KAZN: variants seen among roughly 807,000 people sequenced by gnomAD.
The protein encoded by KAZN is kazrin, periplakin interacting protein.
In KAZN, 40 loss-of-function variants were observed where a neutral mutation model predicts 87.4. The observed-to-expected ratio is 0.46, with a 90% CI of 0.36 to 0.60. The LOEUF (loss-of-function observed/expected upper bound fraction) is 0.60, where lower values mean the gene tolerates loss of function less well. KAZN is among the 20% of genes least tolerant of loss of function. KAZN has a pLI of 0.00. For missense variants in KAZN, 898 were observed against 1,073.9 expected (o/e 0.84, Z 2.29); for synonymous variants, 466 against 458.3 (o/e 1.02, Z -0.22).
chr1:14,796,671 T>C (rs561761307), intron 1 of KAZN, among the ~76,000 whole-genome samples: 1 of 152,372 alleles, frequency 6.6e-6, no homozygotes, highest in African/African-American at 2.4e-5. Context: ...TTTGTAAGCA[T>C]GGCACCAGGG....
chr1:14,367,705 C>T (rs1447499977), intron 2 of KAZN, among the ~76,000 whole-genome samples: 1 of 152,136 alleles, frequency 6.6e-6, no homozygotes, highest in Admixed American at 6.5e-5. Context: ...CAATCAAAAG[C>T]TGAGCCCTAG....
intron 1 of KAZN, among the ~76,000 whole-genome samples, chr1:14,029,832 A>G (rs1031057537): frequency 2.0e-5 from 3 of 152,042 alleles, no homozygotes; most frequent in South Asian, 2.1e-4. Flanking sequence ...GCATTGATCT[A>G]TATCTCTGTT....
chr1:14,948,884 T>C (rs1456640018), intron 1 of KAZN, among the ~76,000 whole-genome samples: 28 of 152,100 alleles, frequency 1.8e-4, no homozygotes, highest in Admixed American at 1.8e-3. Context: ...AGGCCAGTCA[T>C]GGTGGCTCAT....
chr1:14,787,353 C>G (rs1226408709), intron 1 of KAZN, among the ~76,000 whole-genome samples: 1 of 152,164 alleles, frequency 6.6e-6, no homozygotes, highest in African/African-American at 2.4e-5. Flanking sequence ...GGTTGGATAA[C>G]TGGCTCAAAG....
At chr1:13,957,966 G>A (rs1023068552) in intron 1 of KAZN, among the ~76,000 whole-genome samples, 5 of 152,148 alleles carry the variant, frequency 3.3e-5, no homozygotes, top group African/African-American at 9.7e-5. Context: ...AACAGGAAAC[G>A]GAACAGGGAC....
intron 1 of KAZN, among the ~76,000 whole-genome samples, chr1:14,117,339 G>A (rs1644646549): frequency 6.6e-6 from 1 of 152,154 alleles, no homozygotes; most frequent in Non-Finnish European, 1.5e-5. Flanking sequence ...TAGTGAATAA[G>A]TCTCATGGGA....
chr1:15,059,341 T>A (rs1482255534), intron 5 of KAZN, among the ~76,000 whole-genome samples: 1 of 152,152 alleles, frequency 6.6e-6, no homozygotes, highest in African/African-American at 2.4e-5. Context: ...ACAGTGCCCC[T>A]GATGGGCAAC....
At chr1:13,952,659 C>CT (rs56356436) in intron 1 of KAZN, among the ~76,000 whole-genome samples, 126,711 of 151,966 alleles carry the variant, frequency 0.83, 52,847 homozygotes, top group South Asian at 0.93. Flanking sequence ...TATAAACCCC[C>CT]GATCGCTTTC....
chr1:14,573,912 A>G (rs1571962777), intron 2 of KAZN, among the ~76,000 whole-genome samples: 1 of 152,304 alleles, frequency 6.6e-6, no homozygotes, highest in Non-Finnish European at 1.5e-5. Flanking sequence ...ATTAAGATAA[A>G]TATGTTACCA....
At chr1:14,629,506 C>T (rs770483349) in intron 1 of KAZN, among the ~76,000 whole-genome samples, 7 of 152,332 alleles carry the variant, frequency 4.6e-5, no homozygotes, top group South Asian at 4.1e-4. Flanking sequence ...CACCCCAGCA[C>T]GGCCCATGCA....
At chr1:14,741,565 G>A (rs542364579) in intron 1 of KAZN, among the ~76,000 whole-genome samples, 6 of 152,338 alleles carry the variant, frequency 3.9e-5, no homozygotes, top group South Asian at 2.1e-4. Context: ...TCAGGATAGC[G>A]TGTGACAGTT....
At chr1:14,683,330 G>T (rs1446172577) in intron 1 of KAZN, among the ~76,000 whole-genome samples, 1 of 152,148 alleles carries the variant, frequency 6.6e-6, no homozygotes, top group African/African-American at 2.4e-5. Flanking sequence ...AAGATGCGTA[G>T]GTCAAACACA....
chr1:14,127,269 A>T (rs924821789), intron 1 of KAZN, among the ~76,000 whole-genome samples: 1 of 152,222 alleles, frequency 6.6e-6, no homozygotes, highest in Non-Finnish European at 1.5e-5. Context: ...GCTGCACATA[A>T]AAAGAAAAAT....
rs746964795 is a variant in KAZN at position 14,960,684 on chromosome 1, T to G, written c.227T>G (p.Val76Gly). The change falls in exon 2 of 15, where the codon GTG becomes GGG. Residue 76 changes from valine (V) to glycine (G), a missense_variant and splice_region_variant. Val to Gly is a moderately radical substitution (Grantham distance 109, BLOSUM62 -3). Coordinates refer to ENST00000376030, the MANE Select transcript of KAZN (RefSeq NM_201628.3). Reference protein sequence around the residue: ...NMENPQLGAQVLLREEVSRLQ... With the variant: ...NMENPQLGAQGLLREEVSRLQ... Reference sequence around the variant, plus strand: ...CTAACCCTGTGCCCTTCTCCCCTAGTGCTCCTGCGGGAAGAAGTGTCGCGG... The same window carrying G: ...CTAACCCTGTGCCCTTCTCCCCTAGGGCTCCTGCGGGAAGAAGTGTCGCGG... 6.1e-5 allele frequency: 96 copies of G among 1,562,092 alleles called. No homozygotes were observed. The highest frequency in any genetic ancestry group is 8.2e-5 in the Non-Finnish European group (95 of 1,152,200).
At chr1:14,017,502 T>C (rs912388382) in intron 1 of KAZN, among the ~76,000 whole-genome samples, 6 of 152,220 alleles carry the variant, frequency 3.9e-5, no homozygotes, top group Non-Finnish European at 7.3e-5. Context: ...TCTTAGCTTG[T>C]TTTTACAGGC....
Position 14,735,552 on chromosome 1 carries a change from G to A in KAZN, c.226+136329G>A, listed in dbSNP as rs939600012. 6.6e-6 allele frequency among the ~76,000 whole-genome samples: 1 copy of A among 152,094 alleles called. No homozygotes were observed. The highest frequency in any genetic ancestry group is 2.4e-5 in the African/African-American group (1 of 41,388). On this transcript the variant is annotated intron_variant, in intron 1 of 14. Transcript: ENST00000376030. The surrounding 1 kb of genome is among the most constrained non-coding windows in gnomAD (Gnocchi z 4.3). ...TGGTAGCCAGGCTCAGAGAGAATGT[G>A]CTAAACCCCACACACCTAACGGCCG...
chr1:14,735,600 G>A lies in KAZN; in HGVS notation c.226+136377G>A, dbSNP rs553882820. Among the ~76,000 whole-genome samples the A allele has an allele frequency of 1.6e-4, 24 of 152,208 alleles. No homozygotes were observed. The highest frequency in any genetic ancestry group is 5.3e-4 in the African/African-American group (22 of 41,542). On this transcript the variant is annotated intron_variant, in intron 1 of 14. Transcript: ENST00000376030. This position sits in a 1 kb window ranked among gnomAD's most constrained non-coding sequence, Gnocchi z 4.3. ...CCGTTTTCACATGGCAGCCCCCCAC[G>A]CTGAGATCCATATACCCAAACATCA...
rs148124551 is a variant in KAZN, at chr1:14,242,346, T to C, written c.249+61754T>C. Among the ~76,000 whole-genome samples the C allele has an allele frequency of 4.2e-3, 642 of 152,314 alleles. 4 individuals are homozygous for C. Among genetic ancestry groups the C allele is most frequent in the African/African-American group, 0.015 (613 of 41,564 alleles). On this transcript the variant is annotated intron_variant, in intron 2 of 16. Transcript: ENST00000636203. The stretch of plus-strand genomic sequence containing the variant: ...AGAGGGTGACCCCAGAGAGGTTGTC[T>C]GAGGTTTCCTTGGGGGGAAGCCCAG...
intron 1 of KAZN, among the ~76,000 whole-genome samples, chr1:14,907,080 C>A (rs1318021797): frequency 6.6e-6 from 1 of 151,688 alleles, no homozygotes; most frequent in Non-Finnish European, 1.5e-5. Context: ...AGTGCAAGTG[C>A]ACTTCTAATA....
Sources: gnomAD v4.1 joint callset for allele counts (sites outside exome capture counted in the v4.1 genomes callset) on GRCh38, gnomAD v4.1.1 for gene constraint, Gnocchi (gnomAD v3.1) non-coding constraint, MANE v1.5 for transcripts, NCBI Gene and HGNC (gene_info 2026-07-23, HGNC 2026-07-21) for gene names.